SKAP1: variants seen among roughly 807,000 people sequenced by gnomAD.
SKAP1 encodes src kinase associated phosphoprotein 1, also known as src kinase-associated phosphoprotein 1.
SKAP1 carries 44 observed loss-of-function variants against 58.5 expected under a neutral mutation model. That is an observed-to-expected ratio of 0.75 (90% CI 0.59 to 0.97). The LOEUF is 0.97. Ranked by LOEUF, SKAP1 falls within the 50% of genes least tolerant of loss-of-function variation. SKAP1 has a pLI of 0.00. For synonymous variants in SKAP1, 127 were observed against 149.7 expected (o/e 0.85, Z 1.11); for missense variants, 390 against 435.2 (o/e 0.90, Z 0.92).
rs529303604 is a variant in SKAP1 at position 48,207,682 on chromosome 17, T to A, written c.281-18182A>T. On this transcript the variant is annotated intron_variant, in intron 4 of 12. Transcript: ENST00000336915. ...CAAGGGGACCCACAAAAGCAGGAGG[T>A]CTCTTTCCACTGGAGAGCTGTTTTA... Among the ~76,000 whole-genome samples the A allele has an allele frequency of 2.0e-5, 3 of 152,140 alleles. No individual in the cohort carries two copies. In the East Asian group the frequency reaches 5.8e-4, roughly 29 times the overall value.
intron 2 of SKAP1, among the ~76,000 whole-genome samples, chr17:48,382,935 T>TA (rs1431901133): frequency 6.6e-6 from 1 of 152,202 alleles, no homozygotes; most frequent in Non-Finnish European, 1.5e-5. Flanking sequence ...TCAAACCTTC[T>TA]AGAGCAGATT....
chr17:48,280,419 G>A (rs942407592), intron 4 of SKAP1, among the ~76,000 whole-genome samples: 7 of 152,100 alleles, frequency 4.6e-5, no homozygotes, highest in Non-Finnish European at 8.8e-5. Context: ...GCAGTGAGCC[G>A]AGATCTGCAC....
At chr17:48,246,510 T>C (rs529364668) in intron 4 of SKAP1, among the ~76,000 whole-genome samples, 13 of 152,364 alleles carry the variant, frequency 8.5e-5, no homozygotes, top group Non-Finnish European at 1.8e-4. Context: ...TTTTATTTTT[T>C]ATTTTTATAG....
At chr17:48,430,794 G>A (rs62065796), upstream of SKAP1, among the ~76,000 whole-genome samples, 3,396 of 152,314 alleles carry the variant, frequency 0.022, 64 homozygotes, top group Non-Finnish European at 0.035. Context: ...CCCTCAGGAT[G>A]GAAAGGCCCT....
At chr17:48,158,969 A>G (rs76267853) in intron 11 of SKAP1, among the ~76,000 whole-genome samples, 2 of 151,362 alleles carry the variant, frequency 1.3e-5, no homozygotes, top group South Asian at 2.1e-4. Context: ...CAAAAAGAAA[A>G]AAAAAAAAAA....
intron 4 of SKAP1, among the ~76,000 whole-genome samples, chr17:48,334,894 AG>A (rs1197181803): frequency 3.9e-5 from 6 of 151,922 alleles, no homozygotes; most frequent in African/African-American, 1.4e-4. Flanking sequence ...AGAAGCACAT[AG>A]TTTAATAAAA....
At chr17:48,260,897 C>T (rs1156956219) in intron 4 of SKAP1, among the ~76,000 whole-genome samples, 12 of 152,096 alleles carry the variant, frequency 7.9e-5, no homozygotes, top group African/African-American at 1.7e-4. Flanking sequence ...ACAAATGCCA[C>T]GTTCTTAGTA....
At chr17:48,266,413 C>T (rs1000316069) in intron 4 of SKAP1, among the ~76,000 whole-genome samples, 6 of 152,092 alleles carry the variant, frequency 3.9e-5, no homozygotes, top group Admixed American at 6.6e-5. Context: ...ACAATAAATA[C>T]ACTATTGAAA....
intron 11 of SKAP1, among the ~76,000 whole-genome samples, chr17:48,160,616 C>T (rs372432133): frequency 6.6e-6 from 1 of 152,248 alleles, no homozygotes; most frequent in Non-Finnish European, 1.5e-5. Context: ...AGGAAAGGGA[C>T]CCCCAGTGAG....
At chr17:48,262,255 C>A in intron 4 of SKAP1, among the ~76,000 whole-genome samples, 1 of 152,124 alleles carries the variant, frequency 6.6e-6, no homozygotes, top group Non-Finnish European at 1.5e-5. Flanking sequence ...AGTTCGGCCT[C>A]AAACCAGTAC....
intron 4 of SKAP1, among the ~76,000 whole-genome samples, chr17:48,304,926 C>A (rs1247191481): frequency 6.6e-6 from 1 of 151,844 alleles, no homozygotes; most frequent in Non-Finnish European, 1.5e-5. Flanking sequence ...AAATTTTTTT[C>A]TTTAATAGTA....
intron 8 of SKAP1, among the ~76,000 whole-genome samples, chr17:48,181,632 CGT>C: frequency 6.6e-6 from 1 of 152,278 alleles, no homozygotes; most frequent in African/African-American, 2.4e-5. Context: ...TTTAGCTTGA[CGT>C]GTGTCTTTCT....
chr17:48,205,682 A>G (rs1185198033), intron 4 of SKAP1, among the ~76,000 whole-genome samples: 3 of 152,192 alleles, frequency 2.0e-5, no homozygotes, highest in African/African-American at 7.2e-5. Context: ...AACAAGTCAT[A>G]CAAAGCATTA....
chr17:48,176,074 AG>A, intron 9 of SKAP1, among the ~76,000 whole-genome samples: 1 of 152,312 alleles, frequency 6.6e-6, no homozygotes, highest in East Asian at 1.9e-4. Flanking sequence ...ATAATTCCAC[AG>A]AATGCTTGTT....
intron 9 of SKAP1, among the ~76,000 whole-genome samples, chr17:48,173,531 G>C (rs1185749425): frequency 6.6e-6 from 1 of 152,170 alleles, no homozygotes; most frequent in African/African-American, 2.4e-5. Context: ...TTTAGGATTG[G>C]AAACATTAGA....
intron 4 of SKAP1, among the ~76,000 whole-genome samples, chr17:48,298,669 C>A (rs1303674945): frequency 6.6e-6 from 1 of 152,188 alleles, no homozygotes; most frequent in Non-Finnish European, 1.5e-5. Context: ...TCATTTATTT[C>A]ATGAGATCCT....
chr17:48,322,537 T>C (rs2144228487), intron 4 of SKAP1, among the ~76,000 whole-genome samples: 1 of 152,286 alleles, frequency 6.6e-6, no homozygotes, highest in East Asian at 1.9e-4. Context: ...AGACATAATA[T>C]CTCTGAGCAA....
intron 2 of SKAP1, among the ~76,000 whole-genome samples, chr17:48,385,977 C>G (rs893727165): frequency 1.3e-5 from 2 of 152,110 alleles, no homozygotes; most frequent in African/African-American, 4.8e-5. Context: ...GGCATCCATG[C>G]TGTGATAGAA....
In SKAP1 at chr17:48,201,285, T is replaced by TTTCCTTCCTTCCTTTCTTCGTTCC. The variant is rs1567818324; in HGVS notation, c.281-11809_281-11786dup. Among the ~76,000 whole-genome samples, 10 of 151,776 alleles carry TTTCCTTCCTTCCTTTCTTCGTTCC rather than the reference T, an allele frequency of 6.6e-5. No homozygotes were observed. The South Asian group carries it at 1.7e-3, about 25-fold the overall frequency. On this transcript the variant is annotated intron_variant, in intron 4 of 12. Coordinates refer to ENST00000336915, the MANE Select transcript of SKAP1 (RefSeq NM_003726.4). ...CTCTTTTTCCTTCCTTCCTTCCTTCTTTCCTTCCTTCCTTTCTTCGTTCCT... is the reference window on the plus strand; with the variant it reads ...CTCTTTTTCCTTCCTTCCTTCCTTCTTTCCTTCCTTCCTTTCTTCGTTCCTTCCTTCCTTCCTTTCTTCGTTCCT...
Sources: allele counts gnomAD v4.1 joint callset (sites outside exome capture counted in the v4.1 genomes callset), GRCh38; gene constraint gnomAD v4.1.1; transcripts MANE v1.5; gene names NCBI Gene and HGNC (gene_info 2026-07-23, HGNC 2026-07-21).